EPHA5: variants seen among roughly 807,000 people sequenced by gnomAD.
EPHA5 encodes ephrin type-A receptor 5.
A neutral mutation model predicts 105.0 loss-of-function variants in EPHA5; 60 were observed. The ratio of observed to expected loss-of-function variants is 0.57; its 90% CI spans 0.46 to 0.71. EPHA5 has a LOEUF of 0.71. EPHA5 is among the 30% of genes least tolerant of loss of function. EPHA5 has a pLI of 0.00. For synonymous variants in EPHA5, 513 were observed against 449.1 expected (o/e 1.14, Z -1.80); for missense variants, 1,218 against 1,274.7 (o/e 0.96, Z 0.68).
At chr4:65,587,027 CT>C (rs1742188075) in intron 3 of EPHA5, among the ~76,000 whole-genome samples, 1 of 151,946 alleles carries the variant, frequency 6.6e-6, no homozygotes, top group Non-Finnish European at 1.5e-5. Context: ...TTTATTTTTG[CT>C]TTTGCTTTTA....
At chr4:65,506,626 C>T (rs1217236835) in intron 3 of EPHA5, among the ~76,000 whole-genome samples, 1 of 142,332 alleles carries the variant, frequency 7.0e-6, no homozygotes, top group Admixed American at 7.1e-5. Context: ...TGTCATGTGT[C>T]TTTTGGCTGC....
At chr4:65,462,497 A>G (rs1728222301) in intron 5 of EPHA5, among the ~76,000 whole-genome samples, 1 of 152,090 alleles carries the variant, frequency 6.6e-6, no homozygotes, top group African/African-American at 2.4e-5. Context: ...ACAGGTCTGT[A>G]TTCATCTCAA....
chr4:65,354,959 G>A (rs1284640343), intron 11 of EPHA5, among the ~76,000 whole-genome samples: 2 of 151,742 alleles, frequency 1.3e-5, no homozygotes, highest in African/African-American at 4.8e-5. Flanking sequence ...GTCCTCTAAA[G>A]TTTATAAAAG....
intron 16 of EPHA5, among the ~76,000 whole-genome samples, chr4:65,326,399 G>A (rs1720084296): frequency 6.6e-6 from 1 of 151,190 alleles, no homozygotes; most frequent in Admixed American, 6.6e-5. Flanking sequence ...TCTATAAAAT[G>A]AGAATCCTGT....
At chr4:65,600,200 C>T (rs887334156) in intron 3 of EPHA5, among the ~76,000 whole-genome samples, 4 of 152,012 alleles carry the variant, frequency 2.6e-5, no homozygotes, top group Non-Finnish European at 4.4e-5. Flanking sequence ...CACCTTAAAC[C>T]AATAAGATTG....
rs1369235391 is a variant in EPHA5 at position 65,336,058 on chromosome 4, T to C, written c.2663A>G (p.Gln888Arg). The C allele has an allele frequency of 6.2e-7, 1 of 1,613,312 alleles. No individual in the cohort carries two copies. The highest frequency in any genetic ancestry group is 1.3e-5 in the African/African-American group (1 of 74,928). Residue 888 changes from glutamine (Q) to arginine (R), a missense_variant, in exon 15 of 17, where the codon CAG becomes CGG. Gln to Arg is a conservative substitution (Grantham distance 43). Transcript: ENST00000613740. ...TTTCTGCCAGCAATCCAGCATTAAC[T>C]GATAGAGAGCAGCAGGACAATCCAT... ...SPMDCPAALYQLMLDCWQKER... is the reference protein window; with the variant it reads ...SPMDCPAALYRLMLDCWQKER...
At chr4:65,377,007 C>A (rs768535351) in intron 8 of EPHA5, 1 of 1,608,004 alleles carries the variant, frequency 6.2e-7, no homozygotes, top group Non-Finnish European at 8.5e-7. Flanking sequence ...CCATATTAGG[C>A]TTGGATGGGC....
intron 13 of EPHA5, among the ~76,000 whole-genome samples, chr4:65,348,730 T>C (rs922719308): frequency 1.6e-5 from 2 of 122,380 alleles, no homozygotes; most frequent in African/African-American, 5.6e-5. Flanking sequence ...TATATGTGTG[T>C]GTATATATAT....
chr4:65,470,553 T>C (rs542639119), intron 5 of EPHA5, among the ~76,000 whole-genome samples: 1 of 152,256 alleles, frequency 6.6e-6, no homozygotes, highest in African/African-American at 2.4e-5. Context: ...GTAATAACCA[T>C]GTACATGAAT....
chr4:65,354,307 T>C (rs1029691261), intron 11 of EPHA5, among the ~76,000 whole-genome samples: 3 of 151,758 alleles, frequency 2.0e-5, no homozygotes, highest in Admixed American at 6.6e-5. Flanking sequence ...CCATATAAAA[T>C]TGTGACATTT....
chr4:65,330,752 A>G, intron 16 of EPHA5: 2 of 1,017,824 alleles, frequency 2.0e-6, no homozygotes, highest in Non-Finnish European at 2.4e-6. Flanking sequence ...TACCAGTTTA[A>G]ATATAGCACA....
chr4:65,599,613 C>T (rs1038442611), intron 3 of EPHA5, among the ~76,000 whole-genome samples: 1 of 152,118 alleles, frequency 6.6e-6, no homozygotes, highest in African/African-American at 2.4e-5. Context: ...GAAACATTCT[C>T]TGGGCTGTAG....
At chr4:65,367,243 A>C in intron 9 of EPHA5, 114 bp downstream of exon 9, 1 of 900,466 alleles carries the variant, frequency 1.1e-6, no homozygotes, top group Non-Finnish European at 1.6e-6. Context: ...TTTTAAAAAA[A>C]AAAAAAACAA....
rs139336386 is a variant in EPHA5, at chr4:65,353,199, G to GTATA, written c.2174-100_2174-97dup. 1.8e-3 allele frequency: 413 copies of GTATA among 230,044 alleles called. 2 individuals are homozygous for GTATA. The highest frequency in any genetic ancestry group is 8.2e-3 in the East Asian group (70 of 8,560). 14.3% of individuals were successfully genotyped at this position (230,044 alleles called of 1,614,324 possible). On this transcript the variant is annotated intron_variant, in intron 11 of 16. Transcript: ENST00000613740. ...AGAAGTTTTTATTAGTGTCAAAATT[G>GTATA]TATATATATATATATATTTAAAATA... is the stretch of plus-strand genomic sequence containing the variant.
chr4:65,407,514 C>CTAAGT (rs10656954), intron 7 of EPHA5, among the ~76,000 whole-genome samples: 120,847 of 151,278 alleles, frequency 0.8, 48,664 homozygotes, highest in South Asian at 0.92. Context: ...TGTTAAAATG[C>CTAAGT]TAAGACATTT....
chr4:65,516,883 T>C (rs1734157454), intron 3 of EPHA5, among the ~76,000 whole-genome samples: 1 of 152,108 alleles, frequency 6.6e-6, no homozygotes, highest in African/African-American at 2.4e-5. Context: ...TAATAATTTA[T>C]TGAGACTAAC....
At chr4:65,501,452 A>G (rs972488561) in intron 3 of EPHA5, among the ~76,000 whole-genome samples, 2 of 151,642 alleles carry the variant, frequency 1.3e-5, no homozygotes. Flanking sequence ...TAGCATTTCG[A>G]TATATCCATA....
intron 5 of EPHA5, among the ~76,000 whole-genome samples, chr4:65,472,553 A>T (rs1017235571): frequency 3.9e-5 from 6 of 152,120 alleles, no homozygotes; most frequent in Non-Finnish European, 5.9e-5. Flanking sequence ...TCAATTCTTG[A>T]CTTCTGTGCA....
intron 2 of EPHA5, among the ~76,000 whole-genome samples, chr4:65,610,572 G>A (rs542462228): frequency 6.6e-6 from 1 of 151,560 alleles, no homozygotes; most frequent in East Asian, 1.9e-4. Flanking sequence ...CAAATAAAAT[G>A]GGATATTTTT....
Sources: allele counts gnomAD v4.1 joint callset (sites outside exome capture counted in the v4.1 genomes callset), GRCh38; gene constraint gnomAD v4.1.1; transcripts MANE v1.5; gene names NCBI Gene and HGNC (gene_info 2026-07-23, HGNC 2026-07-21).